The following CYYR1 variants were observed in gnomAD, a reference collection of about 807,000 sequenced individuals.
CYYR1 encodes the protein cysteine and tyrosine-rich protein 1.
CYYR1 carries 14 observed loss-of-function variants against 15.2 expected under a neutral mutation model. That is an observed-to-expected ratio of 0.92 (90% CI 0.61 to 1.44). The LOEUF (loss-of-function observed/expected upper bound fraction) is 1.44. CYYR1 is among the 40% of genes most tolerant of loss of function. CYYR1 has a pLI of 0.00. For missense variants in CYYR1, 228 were observed against 209.5 expected, an observed-to-expected ratio of 1.09 and a Z score of -0.54; for synonymous variants, 80 against 77.4, an observed-to-expected ratio of 1.03 and a Z score of -0.18.
Position 26,478,097 on chromosome 21 carries a change from C to A in CYYR1, c.334+2175G>T, listed in dbSNP as rs1569139162. 8 of 1,549,296 alleles carry A rather than the reference C, an allele frequency of 5.2e-6. No homozygotes were observed. In the South Asian group the frequency reaches 7.1e-5, roughly 14 times the overall value. ...TACATGCTTGGAATAGAGTGTTGAA[C>A]AAAATAGACCAAGATCTCTGCCTCA... On this transcript the variant is annotated intron_variant, in intron 3 of 3. Transcript: ENST00000652641.
chr21:26,493,185 C>T (rs184425932), intron 2 of CYYR1, among the ~76,000 whole-genome samples: 2 of 152,194 alleles, frequency 1.3e-5, no homozygotes, highest in Admixed American at 1.3e-4. Flanking sequence ...GGAGAATAAG[C>T]AGAGGTTTGG....
intron 2 of CYYR1, among the ~76,000 whole-genome samples, chr21:26,491,382 A>G (rs1273418585): frequency 6.6e-6 from 1 of 152,136 alleles, no homozygotes; most frequent in Admixed American, 6.6e-5. Context: ...CTGGTTTTTT[A>G]ATAGTGACTA....
At chr21:26,532,062 G>T (rs1035030802) in intron 2 of CYYR1, among the ~76,000 whole-genome samples, 1 of 152,076 alleles carries the variant, frequency 6.6e-6, no homozygotes, top group South Asian at 2.1e-4. Context: ...TATGTAAAGC[G>T]AGAAAAAAAG....
intron 2 of CYYR1, among the ~76,000 whole-genome samples, chr21:26,496,360 A>T (rs2065404522): frequency 6.6e-6 from 1 of 152,222 alleles, no homozygotes; most frequent in African/African-American, 2.4e-5. Flanking sequence ...ACTGGAAAAG[A>T]AGAATATTTT....
At position 26,562,649 on chromosome 21, in the gene CYYR1, T is replaced by C. The variant is rs143664839; in HGVS notation, c.176+3617A>G. On this transcript the variant is annotated intron_variant, in intron 2 of 3. Transcript: ENST00000652641. ...AAACCATGTCCCTTTCTTCACTATT[T>C]ATGTAAATATCTACTTTTCCTTCAA... Among the ~76,000 whole-genome samples, 8 of 152,188 alleles carry C rather than the reference T, an allele frequency of 5.3e-5. No individual in the cohort carries two copies. The East Asian group carries it at 1.5e-3, about 29-fold the overall frequency.
intron 2 of CYYR1, among the ~76,000 whole-genome samples, chr21:26,498,212 T>C (rs2065432937): frequency 6.6e-6 from 1 of 152,198 alleles, no homozygotes. Flanking sequence ...ACAACAAAAA[T>C]AACATCTTAT....
At chr21:26,541,847 T>C (rs1339411869) in intron 2 of CYYR1, among the ~76,000 whole-genome samples, 1 of 152,168 alleles carries the variant, frequency 6.6e-6, no homozygotes, top group East Asian at 1.9e-4. Flanking sequence ...AGGGTGCATA[T>C]TGCAATCTTT....
rs1363387534 is a variant in CYYR1 at position 26,566,320 on chromosome 21, T to A, written c.122A>T (p.Asp41Val). 4 of 1,613,916 alleles carry A rather than the reference T, an allele frequency of 2.5e-6. No homozygotes were observed. Among genetic ancestry groups the A allele is most frequent in the South Asian group, 2.2e-5 (2 of 91,076 alleles). The change falls in exon 2 of 4, where the codon GAT becomes GTT. Residue 41 changes from aspartate (D) to valine (V), a missense_variant. Coordinates refer to ENST00000652641, the MANE Select transcript of CYYR1 (RefSeq NM_001320768.2). The part of the protein sequence containing the change: ...CGKDCKSYCC[D>V]GTTPYCCSYY... ...GGAGCAACAGTAGGGCGTGGTTCCA[T>A]CACAGCAGTAAGATTTGCAATCTTT...
intron 2 of CYYR1, among the ~76,000 whole-genome samples, chr21:26,502,640 A>G (rs368125715): frequency 1.4e-4 from 22 of 152,094 alleles, no homozygotes; most frequent in African/African-American, 5.1e-4. Flanking sequence ...GACAGTGTCT[A>G]TTTCTTCTAG....
At chr21:26,480,719 G>A (rs1416339051) in intron 2 of CYYR1, among the ~76,000 whole-genome samples, 3 of 152,004 alleles carry the variant, frequency 2.0e-5, no homozygotes, top group Non-Finnish European at 1.5e-5. Flanking sequence ...TTGATACAAA[G>A]CACAATTCTC....
intron 1 of CYYR1, among the ~76,000 whole-genome samples, chr21:26,572,587 C>CAG (rs1981076776): frequency 6.6e-6 from 1 of 152,280 alleles, no homozygotes; most frequent in East Asian, 1.9e-4. Context: ...TTACTCTATC[C>CAG]AGAGAGTCAA....
At chr21:26,476,790 A>T (rs2065111253) in intron 3 of CYYR1, among the ~76,000 whole-genome samples, 1 of 152,072 alleles carries the variant, frequency 6.6e-6, no homozygotes, top group African/African-American at 2.4e-5. Flanking sequence ...GTTTTACTAT[A>T]TTATTTTCTT....
chr21:26,553,868 C>T (rs1028816682), intron 2 of CYYR1, among the ~76,000 whole-genome samples: 1 of 152,230 alleles, frequency 6.6e-6, no homozygotes, highest in East Asian at 1.9e-4. Flanking sequence ...TGGTGTAAAG[C>T]CAACAGGCTG....
chr21:26,492,675 C>T (rs774544662), intron 2 of CYYR1, among the ~76,000 whole-genome samples: 13 of 151,162 alleles, frequency 8.6e-5, no homozygotes, highest in African/African-American at 2.2e-4. Context: ...AGTGAGGCTA[C>T]GAAGAGTTCT....
chr21:26,554,363 T>C (rs1389123279), intron 2 of CYYR1, among the ~76,000 whole-genome samples: 2 of 152,180 alleles, frequency 1.3e-5, no homozygotes, highest in Non-Finnish European at 2.9e-5. Context: ...ATCAGGTTTA[T>C]ATATTTTTAT....
chr21:26,543,532 A>C (rs535034621), intron 2 of CYYR1, among the ~76,000 whole-genome samples: 2 of 152,270 alleles, frequency 1.3e-5, no homozygotes, highest in Admixed American at 1.3e-4. Flanking sequence ...GACCTGTGCT[A>C]CTTTGGCACC....
intron 2 of CYYR1, among the ~76,000 whole-genome samples, chr21:26,545,954 T>C (rs908084245): frequency 6.6e-6 from 1 of 152,150 alleles, no homozygotes; most frequent in Non-Finnish European, 1.5e-5. Context: ...TGGTGTTTTC[T>C]TAGGTGAGAC....
intron 2 of CYYR1, among the ~76,000 whole-genome samples, chr21:26,544,078 A>G (rs1173789676): frequency 6.6e-6 from 1 of 152,172 alleles, no homozygotes; most frequent in East Asian, 1.9e-4. Context: ...TCACTAACAT[A>G]CCATTTCTAA....
At chr21:26,499,209 G>A (rs1424062166) in intron 2 of CYYR1, among the ~76,000 whole-genome samples, 1 of 152,174 alleles carries the variant, frequency 6.6e-6, no homozygotes, top group Non-Finnish European at 1.5e-5. Context: ...GGGTCTTGAG[G>A]TGTAGGGTTC....
Sources: allele counts gnomAD v4.1 joint callset (sites outside exome capture counted in the v4.1 genomes callset), GRCh38; gene constraint gnomAD v4.1.1; transcripts MANE v1.5; gene names NCBI Gene and HGNC (gene_info 2026-07-23, HGNC 2026-07-21).